The following CAPNS1 variants were observed in gnomAD, a reference collection of about 807,000 sequenced individuals.
CAPNS1 encodes CANP small subunit.
A neutral mutation model predicts 39.2 loss-of-function variants in CAPNS1; 32 were observed. The observed-to-expected ratio is 0.82, with a 90% CI of 0.62 to 1.10. The LOEUF is 1.10. Among genes scored for constraint, CAPNS1 ranks in the 50% least tolerant of loss-of-function variants. The probability of loss-of-function intolerance (pLI) is 0.00; values close to 1 mark genes in which losing one functional copy is unlikely to be tolerated. For synonymous variants in CAPNS1, 153 were observed against 136.2 expected (o/e 1.12, Z -0.86); for missense variants, 353 against 373.1 (o/e 0.95, Z 0.44).
At chr19:36,145,896 C>A in intron 7 of CAPNS1, 22 bp downstream of exon 7, 1 of 1,613,490 alleles carries the variant, frequency 6.2e-7, no homozygotes, top group Non-Finnish European at 8.5e-7. Flanking sequence ...CCTCTGAAAT[C>A]CCTGGCACCC....
In CAPNS1 at chr19:36,146,000, G is replaced by T; in HGVS notation, c.550G>T (p.Asp184Tyr). ...WQAIYKQFDT[D>Y]RSGTICSSEL... The stretch of plus-strand genomic sequence containing the variant: ...GGCCATATACAAACAGTTCGACACT[G>T]ACCGATCAGGGACCATTTGCAGTAG... Residue 184 changes from aspartate (D) to tyrosine (Y), a missense_variant, in exon 8 of 11, where the codon GAC (aspartate) becomes TAC (tyrosine). Transcript: ENST00000246533. 6.2e-7 allele frequency: 1 copy of T among 1,614,156 alleles called. No homozygotes were observed. The highest frequency in any genetic ancestry group is 1.1e-5 in the South Asian group (1 of 91,018).
chr19:36,149,708 G>A (rs1974704741), intron 10 of CAPNS1, 72 bp downstream of exon 10: 5 of 1,593,202 alleles, frequency 3.1e-6, no homozygotes, highest in Admixed American at 3.5e-5. Context: ...CCAGCTCTGA[G>A]CTGCAGTCCC....
At chr19:36,144,621 C>T (rs1974499325) in intron 6 of CAPNS1, among the ~76,000 whole-genome samples, 1 of 152,200 alleles carries the variant, frequency 6.6e-6, no homozygotes, top group South Asian at 2.1e-4. Flanking sequence ...AGACCTTAAG[C>T]AATCCTTCCG....
At chr19:36,143,552 C>T (rs1974454228) in intron 6 of CAPNS1, among the ~76,000 whole-genome samples, 1 of 151,992 alleles carries the variant, frequency 6.6e-6, no homozygotes, top group Non-Finnish European at 1.5e-5. Context: ...CATGGTGAAA[C>T]CCCATCTCTA....
In CAPNS1 at chr19:36,149,846, G is replaced by A. The variant is rs1974712956; in HGVS notation, c.*7G>A. The A allele has an allele frequency of 1.4e-6, 2 of 1,451,344 alleles. No homozygotes were observed. Among genetic ancestry groups the A allele is most frequent in the Non-Finnish European group, 1.8e-6 (2 of 1,094,962 alleles). The allele number at this position is 1,451,344 out of a possible 1,614,324, so 89.9% of individuals were successfully genotyped here. On this transcript the variant is annotated 3_prime_UTR_variant, in exon 11 of 11. Coordinates refer to ENST00000246533, the MANE Select transcript of CAPNS1 (RefSeq NM_001749.4). ...GCTGACTATGTATTCCTGAACTGGA[G>A]CCCCAGACCCGCCCCCTCACTGCCT...
intron 9 of CAPNS1, 81 bp from the exon 10 acceptor site, chr19:36,149,497 C>T: frequency 4.6e-6 from 6 of 1,298,136 alleles, no homozygotes; most frequent in Non-Finnish European, 6.1e-6. Flanking sequence ...ATTGTCATCC[C>T]ATGTATTTGT....
At position 36,142,934 on chromosome 19, in the gene CAPNS1, T is replaced by C; in HGVS notation, c.359T>C (p.Leu120Pro). ...GDDMEVSATE[L>P]MNILNKVVTR... ...GACATGGAGGTCAGCGCCACAGAAC[T>C]CATGAACATTCTCAATAAGGTTGTG... Residue 120 changes from leucine to proline, a missense_variant, in exon 5 of 11, where the codon CTC (leucine) becomes CCC (proline). Leu to Pro is a moderately conservative substitution (Grantham distance 98). Transcript: ENST00000246533. 1 of 1,614,134 alleles carries C rather than the reference T, an allele frequency of 6.2e-7. No individual in the cohort carries two copies. The highest frequency in any genetic ancestry group is 8.5e-7 in the Non-Finnish European group (1 of 1,180,000).
chr19:36,147,450 G>A (rs191020947), intron 9 of CAPNS1, among the ~76,000 whole-genome samples: 3 of 152,300 alleles, frequency 2.0e-5, no homozygotes, highest in Admixed American at 6.5e-5. Context: ...GGGAGGACAG[G>A]GTCAGGTTTG....
In CAPNS1 at chr19:36,149,256, G is replaced by A. The variant is rs1310122297; in HGVS notation, c.722-322G>A. ...TTTAGTTTTTTTAAAAAGCAGAGAT[G>A]AGGTCTCTGTTGCCCAGGTTGGTCT... On this transcript the variant is annotated intron_variant, in intron 9 of 10. Coordinates refer to ENST00000246533, the MANE Select transcript of CAPNS1 (RefSeq NM_001749.4). Among the ~76,000 whole-genome samples, 4 of 152,282 alleles carry A rather than the reference G, an allele frequency of 2.6e-5. No individual in the cohort carries two copies. The East Asian group carries it at 5.8e-4, about 22-fold the overall frequency.
chr19:36,148,511 T>TA (rs74172784), intron 9 of CAPNS1, among the ~76,000 whole-genome samples: 50,072 of 120,114 alleles, frequency 0.42, 10,448 homozygotes, highest in East Asian at 0.66. Flanking sequence ...AGACACCGTC[T>TA]AAAAAAAAAA....
At chr19:36,145,203 CTTTTTTT>C (rs5827950) in intron 6 of CAPNS1, among the ~76,000 whole-genome samples, 6 of 118,296 alleles carry the variant, frequency 5.1e-5, no homozygotes, top group African/African-American at 1.6e-4. Flanking sequence ...TTTTCTTTCT[CTTTTTTT>C]TTTTTTTTTT....
chr19:36,143,604 G>A (rs1167731932), intron 6 of CAPNS1, among the ~76,000 whole-genome samples: 1 of 151,724 alleles, frequency 6.6e-6, no homozygotes, highest in East Asian at 1.9e-4. Flanking sequence ...GCTCACACCT[G>A]TAATCCCAGC....
intron 2 of CAPNS1, chr19:36,141,609 G>C: frequency 9.5e-7 from 1 of 1,056,112 alleles, no homozygotes; most frequent in African/African-American, 1.7e-5. Flanking sequence ...GAAGGGGCTT[G>C]ACTTATGAGT....
At chr19:36,143,821 C>T (rs1287507505) in intron 6 of CAPNS1, among the ~76,000 whole-genome samples, 1 of 148,280 alleles carries the variant, frequency 6.7e-6, no homozygotes, top group Admixed American at 6.8e-5. Context: ...CGAGATCGCG[C>T]CACTGCACTC....
chr19:36,142,154 A>G, intron 2 of CAPNS1, 146 bp from the exon 3 acceptor site: 1 of 743,574 alleles, frequency 1.3e-6, no homozygotes, highest in African/African-American at 1.7e-5. Context: ...ATTGGGACAG[A>G]TGAGGACAAG....
At position 36,145,850 on chromosome 19, in the gene CAPNS1, G is replaced by A. The variant is rs145631909; in HGVS notation, c.501G>A (p.Leu167=). ...TGGGCTTTGAGGAATTCAAGTACTTGTGGAACAACATCAAAAGGTGGCAGG... is the reference window on the plus strand; with the variant it reads ...TGGGCTTTGAGGAATTCAAGTACTTATGGAACAACATCAAAAGGTGGCAGG... ...GKLGFEEFKY[L]WNNIKRWQAI... is the part of the protein sequence containing the mutation. The change falls in exon 7 of 11, where the codon TTG becomes TTA. Residue 167 remains leucine (L), a synonymous_variant. Coordinates refer to ENST00000246533, the MANE Select transcript of CAPNS1 (RefSeq NM_001749.4). 3.3e-5 allele frequency: 54 copies of A among 1,614,190 alleles called. No homozygotes were observed. The African/African-American group carries it at 5.3e-4, about 16-fold the overall frequency.
rs113297843 is a variant in CAPNS1 at position 36,141,221 on chromosome 19, G to C, written c.209+1G>C. 1 of 1,513,226 alleles carries C rather than the reference G, an allele frequency of 6.6e-7. No individual in the cohort carries two copies. The highest frequency in any genetic ancestry group is 8.8e-7 in the Non-Finnish European group (1 of 1,136,990). 93.7% of individuals were successfully genotyped at this position (1,513,226 alleles called of 1,614,324 possible). ...TAGGCGGAGTCATCAGCGCCATCAG[G>C]TAAGGCGGAGACTATCAGAGGGGCG... On this transcript the variant is annotated splice_donor_variant, in intron 2 of 10. Transcript: ENST00000246533. LOFTEE classifies it high-confidence loss of function.
chr19:36,142,170 A>C, intron 2 of CAPNS1, 130 bp from the exon 3 acceptor site: 1 of 766,448 alleles, frequency 1.3e-6, no homozygotes, highest in Admixed American at 1.7e-5. Flanking sequence ...ACAAGAACAA[A>C]TGAAAGGCAC....
chr19:36,140,512 G>A (rs1184568035), intron 1 of CAPNS1: 1 of 153,540 alleles, frequency 6.5e-6, no homozygotes, highest in African/African-American at 2.4e-5. Context: ...AGAGCCAGAG[G>A]TGACACTGGA....
Sources: allele counts gnomAD v4.1 joint callset (sites outside exome capture counted in the v4.1 genomes callset), GRCh38; gene constraint gnomAD v4.1.1; transcripts MANE v1.5; gene names NCBI Gene and HGNC (gene_info 2026-07-23, HGNC 2026-07-21).